GLT8D2: variants seen among roughly 807,000 people sequenced by gnomAD.
The protein encoded by GLT8D2 is glycosyltransferase 8 domain containing 2, also known as glycosyltransferase 8 domain-containing protein 2.
Under a neutral mutation model 44.5 loss-of-function variants are expected in GLT8D2, and 45 were observed. The ratio of observed to expected loss-of-function variants is 1.01; its 90% CI spans 0.80 to 1.30. The LOEUF (loss-of-function observed/expected upper bound fraction) is 1.30. Ranked by LOEUF, GLT8D2 falls within the 50% of genes most tolerant of loss-of-function variation. The pLI, the probability that GLT8D2 is intolerant of heterozygous loss-of-function variation, is 0.00. For missense variants in GLT8D2, 400 were observed against 430.4 expected, an observed-to-expected ratio of 0.93 and a Z score of 0.62; for synonymous variants, 156 against 157.2, an observed-to-expected ratio of 0.99 and a Z score of 0.06.
At chr12:104,021,947 AG>A (rs1877831432) in intron 1 of GLT8D2, among the ~76,000 whole-genome samples, 1 of 17,714 alleles carries the variant, frequency 5.6e-5, no homozygotes, top group African/African-American at 1.9e-4. Flanking sequence ...AAGAAGAAGA[AG>A]AAGAAGAGGA....
chr12:104,033,832 AT>A (rs1231246953), intron 1 of GLT8D2, among the ~76,000 whole-genome samples: 4 of 149,012 alleles, frequency 2.7e-5, no homozygotes, highest in African/African-American at 5.0e-5. Context: ...ATATGTATAT[AT>A]TTTTTTTCAG....
At chr12:104,043,664 G>A (rs57041861) in intron 1 of GLT8D2, among the ~76,000 whole-genome samples, 14,139 of 152,022 alleles carry the variant, frequency 0.093, 963 homozygotes, top group East Asian at 0.3. Context: ...AGGCAGTTTC[G>A]CCATGCTGGC....
intron 4 of GLT8D2, among the ~76,000 whole-genome samples, chr12:104,010,925 T>A (rs1875752121): frequency 6.6e-6 from 1 of 152,184 alleles, no homozygotes; most frequent in Admixed American, 6.5e-5. Flanking sequence ...ACGGAGGCCT[T>A]CAGCAGACTG....
chr12:104,045,939 A>AAAGAAAGAAAG (rs1566213333), intron 1 of GLT8D2, among the ~76,000 whole-genome samples: 26 of 113,770 alleles, frequency 2.3e-4, no homozygotes, highest in African/African-American at 7.6e-4. Flanking sequence ...AAGAAAGAAA[A>AAAGAAAGAAAG]AGAAAGAAAG....
intron 6 of GLT8D2, 38 bp from the exon 7 acceptor site, chr12:103,997,573 G>T: frequency 7.0e-7 from 1 of 1,437,444 alleles, no homozygotes; most frequent in Non-Finnish European, 9.8e-7. Context: ...TGGGGGAGAG[G>T]CATATGGCTT....
chr12:103,990,125 A>C (rs942943556), intron 10 of GLT8D2, among the ~76,000 whole-genome samples: 2 of 69,048 alleles, frequency 2.9e-5, no homozygotes, highest in African/African-American at 6.1e-5. Flanking sequence ...ATATATATAT[A>C]TATATATATG....
At chr12:104,036,115 G>C (rs748590278) in intron 1 of GLT8D2, among the ~76,000 whole-genome samples, 2 of 152,204 alleles carry the variant, frequency 1.3e-5, no homozygotes, top group Non-Finnish European at 2.9e-5. Flanking sequence ...GATGCTGAGA[G>C]ATTTTGTCAC....
chr12:104,032,480 A>AAAAAAAAAAAAAAAAAAAAAAAAAAAAAG (rs1345681738), intron 1 of GLT8D2, among the ~76,000 whole-genome samples: 1 of 150,698 alleles, frequency 6.6e-6, no homozygotes, highest in Non-Finnish European at 1.5e-5. Context: ...AAAAAAAAAA[A>AAAAAAAAAAAAAAAAAAAAAAAAAAAAAG]AAAAAAAAAA....
rs1035655399 is a variant in GLT8D2, at chr12:104,049,889, A to T, written c.-164+6T>A. ...CTGCACACTGCTCGTAAATTTCTCT[A>T]TTTACCTGGTGAATGGTGAGGGTAG... On this transcript the variant is annotated splice_donor_region_variant and intron_variant, in intron 1 of 10. Transcript: ENST00000360814. The T allele has an allele frequency of 3.9e-5, 6 of 152,226 alleles. No homozygotes were observed. Among genetic ancestry groups the T allele is most frequent in the African/African-American group, 1.4e-4 (6 of 41,454 alleles). 9.4% of individuals were successfully genotyped at this position (152,226 alleles called of 1,614,324 possible).
chr12:104,014,749 T>C (rs1016470458), intron 4 of GLT8D2, among the ~76,000 whole-genome samples: 3 of 152,228 alleles, frequency 2.0e-5, no homozygotes, highest in Non-Finnish European at 4.4e-5. Context: ...CCATACCTAC[T>C]GATCCTACAC....
At chr12:104,051,529 A>G (rs987356493), upstream of GLT8D2, among the ~76,000 whole-genome samples, 2 of 152,178 alleles carry the variant, frequency 1.3e-5, no homozygotes, top group African/African-American at 2.4e-5. Context: ...TCAATATACA[A>G]TGTATAGTGA....
chr12:103,994,422 T>C lies in GLT8D2; in HGVS notation c.680A>G (p.Asn227Ser), dbSNP rs1470243575. Residue 227 changes from asparagine (N) to serine (S), a missense_variant, in exon 9 of 11, where the codon AAT (asparagine) becomes AGT (serine). Coordinates refer to ENST00000360814, the MANE Select transcript of GLT8D2 (RefSeq NM_001384711.1). ...LGISPSTCSF[N>S]PGVIVANMTE... Reference sequence around the variant, plus strand: ...CATGTTGGCAACAATCACACCAGGATTGAAAGAGCAGGTGCTGGGGCTGAT... The same window carrying C: ...CATGTTGGCAACAATCACACCAGGACTGAAAGAGCAGGTGCTGGGGCTGAT... The C allele has an allele frequency of 1.2e-6, 2 of 1,614,118 alleles. No individual in the cohort carries two copies. Among genetic ancestry groups the C allele is most frequent in the Non-Finnish European group, 1.7e-6 (2 of 1,179,996 alleles).
At chr12:104,020,182 A>C (rs1207714555) in intron 2 of GLT8D2, among the ~76,000 whole-genome samples, 1 of 152,080 alleles carries the variant, frequency 6.6e-6, no homozygotes, top group Non-Finnish European at 1.5e-5. Context: ...TTAGCCTCCC[A>C]AAGTGCTGGG....
chr12:104,032,354 TG>T (rs775661847), intron 1 of GLT8D2, among the ~76,000 whole-genome samples: 3 of 148,986 alleles, frequency 2.0e-5, no homozygotes, highest in Non-Finnish European at 4.5e-5. Context: ...CACTGATTTC[TG>T]AATCATGTTC....
rs757478066 is a variant in GLT8D2 at position 103,999,504 on chromosome 12, C to A, written c.295G>T (p.Glu99Ter). 2 of 1,603,174 alleles carry A rather than the reference C, an allele frequency of 1.2e-6. No individual in the cohort carries two copies. The highest frequency in any genetic ancestry group is 1.7e-5 in the Admixed American group (1 of 59,898). The part of the protein sequence containing the change: ...NTLTRIRKWI[E>*]HSKLREINFK... Reference sequence around the variant, plus strand: ...TTTATTTCTCTCAGTTTGGAATGTTCAATCCATTTTCTAAAAAGATGACCA... The same window carrying A: ...TTTATTTCTCTCAGTTTGGAATGTTAAATCCATTTTCTAAAAAGATGACCA... The change falls in exon 6 of 11, where the codon GAA becomes TAA. Residue 99 changes from glutamate (E) to a stop codon, truncating the protein, a stop_gained. Transcript: ENST00000360814. LOFTEE classifies it high-confidence loss of function.
intron 10 of GLT8D2, among the ~76,000 whole-genome samples, chr12:103,992,492 T>TC (rs1491556856): frequency 1.8e-3 from 179 of 97,842 alleles, no homozygotes; most frequent in African/African-American, 7.6e-3. Context: ...TCTCTCTCTC[T>TC]TTTTTTTTTT....
rs550188590 is a variant in GLT8D2, at chr12:104,026,173, G to A, written c.-163-4682C>T. Reference sequence around the variant, plus strand: ...CCACACCTGTAATCTCAGCTACTCGGGAGGCTGAGGCACAAGAATCACTTG... The same window carrying A: ...CCACACCTGTAATCTCAGCTACTCGAGAGGCTGAGGCACAAGAATCACTTG... On this transcript the variant is annotated intron_variant, in intron 1 of 10. Coordinates refer to ENST00000360814, the MANE Select transcript of GLT8D2 (RefSeq NM_001384711.1). Among the ~76,000 whole-genome samples the A allele has an allele frequency of 1.2e-3, 188 of 151,868 alleles. 1 individual carries two copies. Among genetic ancestry groups the A allele is most frequent in the African/African-American group, 4.5e-3 (185 of 41,386 alleles).
intron 4 of GLT8D2, among the ~76,000 whole-genome samples, chr12:104,010,115 T>C (rs529540728): frequency 6.6e-6 from 1 of 152,336 alleles, no homozygotes; most frequent in African/African-American, 2.4e-5. Flanking sequence ...GGCTGTGAAC[T>C]GATCTGCCAA....
In GLT8D2 at chr12:103,993,373, GT is replaced by G; in HGVS notation, c.880+18del. The G allele has an allele frequency of 1.3e-6, 2 of 1,569,166 alleles. No homozygotes were observed. Among genetic ancestry groups the G allele is most frequent in the Non-Finnish European group, 1.8e-6 (2 of 1,139,190 alleles). On this transcript the variant is annotated intron_variant, in intron 10 of 10. Transcript: ENST00000360814. ...ATGGACATTTGCGTTTTTCTAAACA[GT>G]TTTTCTGAAATACTTACCCAGGTGC... is the stretch of plus-strand genomic sequence containing the variant.
Sources: gnomAD v4.1 joint callset for allele counts (sites outside exome capture counted in the v4.1 genomes callset) on GRCh38, gnomAD v4.1.1 for gene constraint, MANE v1.5 for transcripts, NCBI Gene and HGNC (gene_info 2026-07-23, HGNC 2026-07-21) for gene names.